The following SFMBT2 variants were observed in gnomAD, a reference collection of about 807,000 sequenced individuals.
SFMBT2 encodes Scm like with four mbt domains 2.
Under a neutral mutation model 110.1 loss-of-function variants are expected in SFMBT2, and 38 were observed. The observed-to-expected ratio is 0.35, with a 90% CI of 0.27 to 0.45. The LOEUF (loss-of-function observed/expected upper bound fraction) is 0.45. Among genes scored for constraint, SFMBT2 ranks in the 20% least tolerant of loss-of-function variants. The probability of loss-of-function intolerance (pLI) is 1.00; values close to 1 mark genes in which losing one functional copy is unlikely to be tolerated. For missense variants in SFMBT2, 1,011 were observed against 1,094.9 expected (o/e 0.92, Z 1.08); for synonymous variants, 425 against 425.4 (o/e 1.00, Z 0.01).
intron 7 of SFMBT2, among the ~76,000 whole-genome samples, chr10:7,257,974 C>T (rs7895660): frequency 0.015 from 2,248 of 152,274 alleles, 62 homozygotes; most frequent in African/African-American, 0.049. Context: ...CTCTGCCACC[C>T]GGGCTGAAGT....
chr10:7,224,310 T>C (rs1315083677), intron 10 of SFMBT2, among the ~76,000 whole-genome samples: 1 of 152,028 alleles, frequency 6.6e-6, no homozygotes, highest in Non-Finnish European at 1.5e-5. Flanking sequence ...CTGCTTGGAG[T>C]CTTCCTGGCA....
At chr10:7,235,095 T>C (rs1336069861) in intron 9 of SFMBT2, among the ~76,000 whole-genome samples, 1 of 152,196 alleles carries the variant, frequency 6.6e-6, no homozygotes, top group Non-Finnish European at 1.5e-5. Context: ...TCCAATTCCG[T>C]GGGACACAGA....
chr10:7,243,676 A>C lies in SFMBT2; in HGVS notation c.1002T>G (p.Thr334=). Residue 334 remains threonine, a synonymous_variant, in exon 9 of 21, where the codon ACT becomes ACG. Transcript: ENST00000397167. ...TTGGTTCAGGTCTTAGGTCATCAAT[A>C]GTCACTTGAAAAAAGTGATTGTTAA... is the stretch of plus-strand genomic sequence containing the variant. ...KVFNNHFFQV[T]IDDLRPEPSK... 1 of 872,668 alleles carries C rather than the reference A, an allele frequency of 1.1e-6. No homozygotes were observed. The highest frequency in any genetic ancestry group is 1.3e-5 in the South Asian group (1 of 76,528). 54.1% of individuals were successfully genotyped at this position (872,668 alleles called of 1,614,324 possible). A position where few individuals can be genotyped will look rare whatever the true frequency, so the allele number is the denominator to read the frequency against.
At chr10:7,191,014 GC>G (rs1462889852) in intron 15 of SFMBT2, among the ~76,000 whole-genome samples, 1 of 152,168 alleles carries the variant, frequency 6.6e-6, no homozygotes, top group Non-Finnish European at 1.5e-5. Flanking sequence ...TCTCTCGTCT[GC>G]TGCCATGTAA....
At chr10:7,242,125 A>G (rs1840448985) in intron 9 of SFMBT2, among the ~76,000 whole-genome samples, 1 of 152,232 alleles carries the variant, frequency 6.6e-6, no homozygotes, top group Non-Finnish European at 1.5e-5. Flanking sequence ...ATTCCACAGC[A>G]GCGAAGGACT....
At chr10:7,289,340 G>A (rs755718600) in intron 4 of SFMBT2, among the ~76,000 whole-genome samples, 5 of 152,176 alleles carry the variant, frequency 3.3e-5, no homozygotes, top group East Asian at 1.9e-4. Context: ...TCTAACATGC[G>A]TATAATCCAA....
At chr10:7,283,843 C>A in intron 6 of SFMBT2, 61 bp downstream of exon 6, 1 of 1,123,766 alleles carries the variant, frequency 8.9e-7, no homozygotes. Flanking sequence ...AGAAACACAT[C>A]CAGGAAAATA....
intron 9 of SFMBT2, among the ~76,000 whole-genome samples, chr10:7,228,740 CT>C (rs1564395439): frequency 9.8e-4 from 32 of 32,702 alleles, no homozygotes; most frequent in East Asian, 9.4e-3. Context: ...TCTTTCCTTT[CT>C]CTCTCTCTCT....
intron 7 of SFMBT2, among the ~76,000 whole-genome samples, chr10:7,273,074 C>A (rs1458049058): frequency 1.3e-5 from 2 of 152,208 alleles, no homozygotes; most frequent in African/African-American, 2.4e-5. Flanking sequence ...CGCTTACAGG[C>A]GTGAGCCACC....
chr10:7,280,471 A>G (rs1588413833), intron 6 of SFMBT2, among the ~76,000 whole-genome samples: 1 of 152,354 alleles, frequency 6.6e-6, no homozygotes, highest in South Asian at 2.1e-4. Flanking sequence ...AAGAAACTCA[A>G]AAAGTTTCAT....
At chr10:7,358,206 GC>G (rs1844584301) in intron 4 of SFMBT2, among the ~76,000 whole-genome samples, 1 of 136,892 alleles carries the variant, frequency 7.3e-6, no homozygotes, top group South Asian at 2.2e-4. Context: ...CATCTGCATG[GC>G]CCTGGAATGG....
intron 11 of SFMBT2, among the ~76,000 whole-genome samples, chr10:7,215,371 G>A (rs757712150): frequency 5.9e-5 from 9 of 152,236 alleles, no homozygotes; most frequent in Non-Finnish European, 1.3e-4. Flanking sequence ...CCACACTCCA[G>A]TCTGGGTGAC....
intron 2 of SFMBT2, among the ~76,000 whole-genome samples, chr10:7,372,203 C>T (rs1477375876): frequency 6.6e-6 from 1 of 152,146 alleles, no homozygotes; most frequent in East Asian, 1.9e-4. Flanking sequence ...CAGGCGTGAG[C>T]CGCCACGCCC....
intron 6 of SFMBT2, among the ~76,000 whole-genome samples, chr10:7,279,420 G>C (rs1003157907): frequency 6.6e-6 from 1 of 152,196 alleles, no homozygotes; most frequent in African/African-American, 2.4e-5. Flanking sequence ...CCAGCCCACA[G>C]CAAGGCAGAC....
At chr10:7,280,198 A>G (rs1841910608) in intron 6 of SFMBT2, among the ~76,000 whole-genome samples, 1 of 152,224 alleles carries the variant, frequency 6.6e-6, no homozygotes, top group South Asian at 2.1e-4. Context: ...TCACACTTCC[A>G]GCCTCCAGAT....
intron 1 of SFMBT2, among the ~76,000 whole-genome samples, chr10:7,382,431 G>A (rs1018780520): frequency 6.6e-6 from 1 of 152,032 alleles, no homozygotes; most frequent in Non-Finnish European, 1.5e-5. Flanking sequence ...TAATTAATTA[G>A]TTAAAAAGAC....
intron 4 of SFMBT2, among the ~76,000 whole-genome samples, chr10:7,354,120 T>A (rs1482133193): frequency 5.3e-5 from 8 of 150,136 alleles, no homozygotes; most frequent in African/African-American, 1.7e-4. Flanking sequence ...AACAAAAAAA[T>A]AAATAAATAA....
At chr10:7,399,322 T>C (rs562287938) in intron 1 of SFMBT2, among the ~76,000 whole-genome samples, 1 of 152,270 alleles carries the variant, frequency 6.6e-6, no homozygotes. Context: ...AACCTCTGCC[T>C]CCTGGGTTCA....
At chr10:7,276,497 T>TG (rs1240967964) in intron 7 of SFMBT2, among the ~76,000 whole-genome samples, 1 of 90,694 alleles carries the variant, frequency 1.1e-5, no homozygotes, top group African/African-American at 5.6e-5. Flanking sequence ...GTTAAGAAGG[T>TG]GCCTTTTCAA....
Sources: gnomAD v4.1 joint callset for allele counts (sites outside exome capture counted in the v4.1 genomes callset) on GRCh38, gnomAD v4.1.1 for gene constraint, MANE v1.5 for transcripts, NCBI Gene and HGNC (gene_info 2026-07-23, HGNC 2026-07-21) for gene names.